The following CERS2 variants were observed in gnomAD, a reference collection of about 807,000 sequenced individuals.
The protein encoded by CERS2 is ceramide synthase 2, also known as LAG1 homolog, ceramide synthase 2.
A neutral mutation model predicts 56.6 loss-of-function variants in CERS2; 20 were observed. The ratio of observed to expected loss-of-function variants is 0.35; its 90% CI spans 0.25 to 0.51. The LOEUF (loss-of-function observed/expected upper bound fraction) is 0.51, where lower values mean the gene tolerates loss of function less well. Ranked by LOEUF, CERS2 falls within the 20% of genes least tolerant of loss-of-function variation. The probability of loss-of-function intolerance (pLI) is 0.96; values close to 1 mark genes in which losing one functional copy is unlikely to be tolerated. For missense variants in CERS2, 361 were observed against 488.6 expected (o/e 0.74, Z 2.46); for synonymous variants, 187 against 175.4 (o/e 1.07, Z -0.52).
intron 8 of CERS2, 64 bp downstream of exon 8, chr1:150,967,010 C>T (rs1671043248): frequency 6.3e-7 from 1 of 1,597,588 alleles, no homozygotes; most frequent in African/African-American, 1.3e-5. Context: ...GCACCTCCCT[C>T]CCAAAGAAAA....
rs1294535630 is a variant in CERS2 at position 150,967,851 on chromosome 1, G to T, written c.437C>A (p.Ala146Asp). 6.2e-7 allele frequency: 1 copy of T among 1,613,840 alleles called. No homozygotes were observed. The highest frequency in any genetic ancestry group is 1.3e-5 in the African/African-American group (1 of 75,028). ...AATGACGGCCATGCCGGCAATGAAG[G>T]CAATCAGGTAAAATGTGAATCTCCA... The part of the protein sequence containing the change: ...ASWRFTFYLI[A>D]FIAGMAVIVD... Residue 146 changes from alanine to aspartate, a missense_variant, in exon 5 of 11, where the codon GCC (alanine) becomes GAC (aspartate). Around this residue, in one of 3 missense-constraint regions of CERS2, gnomAD observed 236 missense variants for 309.2 expected, o/e 0.76. Transcript: ENST00000368954.
rs1386953210 is a variant in CERS2 at position 150,974,791 on chromosome 1, C to G, written c.-174G>C. The G allele has an allele frequency of 6.5e-6, 1 of 154,154 alleles. No homozygotes were observed. The highest frequency in any genetic ancestry group is 2.4e-5 in the African/African-American group (1 of 41,308). 9.5% of individuals were successfully genotyped at this position (154,154 alleles called of 1,614,324 possible). A position where few individuals can be genotyped will look rare whatever the true frequency, so the allele number is the denominator to read the frequency against. On this transcript the variant is annotated 5_prime_UTR_variant, in exon 1 of 11. Transcript: ENST00000368954. Reference sequence around the variant, plus strand: ...CCTCCGCCAGCCGCCGGCGCCGCCGCCGCCGCCCGCCGAGCCCAGTCGAGC... The same window carrying G: ...CCTCCGCCAGCCGCCGGCGCCGCCGGCGCCGCCCGCCGAGCCCAGTCGAGC...
intron 2 of CERS2, 93 bp downstream of exon 2, chr1:150,968,825 C>A: frequency 8.0e-7 from 1 of 1,257,298 alleles, no homozygotes; most frequent in South Asian, 1.3e-5. Context: ...ACATCAGGGT[C>A]AAGGGCTAAT....
In CERS2 at chr1:150,966,488, G is replaced by T; in HGVS notation, c.990C>A (p.Phe330Leu). 6.2e-7 allele frequency: 1 copy of T among 1,614,106 alleles called. No individual in the cohort carries two copies. The highest frequency in any genetic ancestry group is 1.1e-5 in the South Asian group (1 of 91,062). Residue 330 changes from phenylalanine (F) to leucine (L), a missense_variant, in exon 10 of 11, where the codon TTC (phenylalanine) becomes TTA (leucine). This residue lies in a region of CERS2 where 122 missense variants were observed against 151.9 expected (regional missense o/e 0.80). Coordinates refer to ENST00000368954, the MANE Select transcript of CERS2 (RefSeq NM_022075.5). Reference sequence around the variant, plus strand: ...AACAGGGCTTCACCTTTCCAGTTATGAACTTGTGGGCCATGCGCAAAATGA... The same window carrying T: ...AACAGGGCTTCACCTTTCCAGTTATTAACTTGTGGGCCATGCGCAAAATGA... ...AYLILRMAHK[F>L]ITGKLVEDER...
At position 150,967,934 on chromosome 1, in the gene CERS2, C is replaced by A. The variant is rs1671070309; in HGVS notation, c.411-57G>T. 38 of 1,463,610 alleles carry A rather than the reference C, an allele frequency of 2.6e-5. No individual in the cohort carries two copies. In the South Asian group the frequency reaches 4.2e-4, roughly 16 times the overall value. 90.7% of individuals were successfully genotyped at this position (1,463,610 alleles called of 1,614,324 possible). A position where few individuals can be genotyped will look rare whatever the true frequency, so the allele number is the denominator to read the frequency against. ...AGGATAGCACAGTCCCCCAGCAGCC[C>A]CCAAATACCTGCAGATACCCTCACA... On this transcript the variant is annotated intron_variant, in intron 4 of 10. Coordinates refer to ENST00000368954, the MANE Select transcript of CERS2 (RefSeq NM_022075.5).
intron 1 of CERS2, chr1:150,971,844 G>A (rs1394121578): frequency 4.2e-6 from 2 of 471,162 alleles, no homozygotes; most frequent in East Asian, 1.4e-4. Flanking sequence ...GCCTGACCCA[G>A]TCACCTGACT....
chr1:150,972,275 T>C (rs1671200465), intron 1 of CERS2, among the ~76,000 whole-genome samples: 1 of 152,188 alleles, frequency 6.6e-6, no homozygotes, highest in South Asian at 2.1e-4. Context: ...CTGGTGGTCC[T>C]GCACCTCCAT....
chr1:150,967,027 G>A, intron 8 of CERS2, 47 bp downstream of exon 8: 1 of 1,609,404 alleles, frequency 6.2e-7, no homozygotes, highest in Non-Finnish European at 8.5e-7. Context: ...AAAACCAAAG[G>A]GACAGAAGAA....
rs2102766371 is a variant in CERS2 at position 150,966,582 on chromosome 1, A to G, written c.896T>C (p.Phe299Ser). 1 of 1,614,062 alleles carries G rather than the reference A, an allele frequency of 6.2e-7. No homozygotes were observed. Among genetic ancestry groups the G allele is most frequent in the Non-Finnish European group, 8.5e-7 (1 of 1,179,980 alleles). Residue 299 changes from phenylalanine to serine, a missense_variant, in exon 10 of 11, where the codon TTC becomes TCC. By Grantham distance (155) the Phe-to-Ser change is radical. Coordinates refer to ENST00000368954, the MANE Select transcript of CERS2 (RefSeq NM_022075.5). ...GGAATTGAAGAAGTAATAGCCAAAG[A>G]AGGCAGGATAGAGCTCCAGTGGGTA... Reference protein sequence around the residue: ...LVYPLELYPAFFGYYFFNSMM... With the variant: ...LVYPLELYPASFGYYFFNSMM...
At chr1:150,969,357 C>T (rs1352110857) in intron 1 of CERS2, 10 of 393,762 alleles carry the variant, frequency 2.5e-5, no homozygotes, top group Admixed American at 8.0e-5. Context: ...TGGCAGATCA[C>T]GAGGTCAGGA....
rs924956455 is a variant in CERS2, at chr1:150,966,951, G to C, written c.742-89C>G. On this transcript the variant is annotated intron_variant, in intron 8 of 10. Coordinates refer to ENST00000368954, the MANE Select transcript of CERS2 (RefSeq NM_022075.5). The stretch of plus-strand genomic sequence containing the variant: ...CACTCCAGTTAGGAGCACTGACTCT[G>C]TGCCCTCCTCCTTGGTCCCAGGAAT... The C allele has an allele frequency of 7.2e-5, 103 of 1,437,258 alleles. 1 individual carries two copies. In the East Asian group the frequency reaches 2.2e-3, roughly 31 times the overall value. 89.0% of individuals were successfully genotyped at this position (1,437,258 alleles called of 1,614,324 possible).
intron 1 of CERS2, among the ~76,000 whole-genome samples, chr1:150,972,091 G>A (rs1671195490): frequency 1.3e-5 from 2 of 152,172 alleles, no homozygotes; most frequent in Non-Finnish European, 2.9e-5. Context: ...AGGCAAAGTA[G>A]GCACTAGAGC....
rs1463432201 is a variant in CERS2, at chr1:150,968,383, T to C, written c.291+12A>G. Reference sequence around the variant, plus strand: ...AGTGATTCCCAGAGCCAGAGCAGCATGCGGCTCATACCTGCTTGGGCTGCT... The same window carrying C: ...AGTGATTCCCAGAGCCAGAGCAGCACGCGGCTCATACCTGCTTGGGCTGCT... On this transcript the variant is annotated intron_variant, in intron 3 of 10. Transcript: ENST00000368954. 12 of 1,601,380 alleles carry C rather than the reference T, an allele frequency of 7.5e-6. No homozygotes were observed. The African/African-American group carries it at 9.4e-5, about 13-fold the overall frequency.
In CERS2 at chr1:150,968,847, G is replaced by A; in HGVS notation, c.173+71C>T. ...GGTCAAGGGCTAATTAAACAGCAAGGAACAAACTTGAAGTCCAAGAAACTG... is the reference window on the plus strand; with the variant it reads ...GGTCAAGGGCTAATTAAACAGCAAGAAACAAACTTGAAGTCCAAGAAACTG... On this transcript the variant is annotated intron_variant, in intron 2 of 10. Transcript: ENST00000368954. 6 of 1,447,946 alleles carry A rather than the reference G, an allele frequency of 4.1e-6. No homozygotes were observed. In the South Asian group the frequency reaches 6.1e-5, roughly 15 times the overall value. 89.7% of individuals were successfully genotyped at this position (1,447,946 alleles called of 1,614,324 possible).
intron 1 of CERS2, 189 bp downstream of exon 1, chr1:150,974,430 G>GGCC (rs1486515989): frequency 2.7e-5 from 4 of 148,486 alleles, no homozygotes; most frequent in Non-Finnish European, 6.0e-5. Flanking sequence ...CTTACCCGGC[G>GGCC]GCCGCCGCCA....
chr1:150,972,889 G>A (rs1258765786), intron 1 of CERS2, among the ~76,000 whole-genome samples: 2 of 152,146 alleles, frequency 1.3e-5, no homozygotes, highest in South Asian at 2.1e-4. Flanking sequence ...GATCCCCATG[G>A]GAGTTTGTAG....
intron 1 of CERS2, chr1:150,973,026 G>C (rs1671222326): frequency 6.6e-6 from 1 of 152,224 alleles, no homozygotes; most frequent in Non-Finnish European, 1.5e-5. Context: ...AGGAGTTGTT[G>C]ACAAGGGAGG....
chr1:150,966,440 A>G (rs1285766926), intron 10 of CERS2, 36 bp downstream of exon 10: 2 of 1,611,596 alleles, frequency 1.2e-6, no homozygotes, highest in Non-Finnish European at 1.7e-6. Context: ...AGTTGTAGAG[A>G]GTAGTAAGGC....
chr1:150,974,421 T>G (rs1375949320), intron 1 of CERS2, 198 bp downstream of exon 1: 1 of 147,950 alleles, frequency 6.8e-6, no homozygotes, highest in Admixed American at 6.7e-5. Flanking sequence ...TGCGCCCGCC[T>G]TACCCGGCGG....
Sources: allele counts gnomAD v4.1 joint callset (sites outside exome capture counted in the v4.1 genomes callset), GRCh38; gene constraint gnomAD v4.1.1; regional missense constraint gnomAD v4.1.1; transcripts MANE v1.5; gene names NCBI Gene and HGNC (gene_info 2026-07-23, HGNC 2026-07-21).